Variants in PBX4 observed in about 807,000 individuals in gnomAD.
The protein encoded by PBX4 is pre-B-cell leukemia transcription factor 4.
PBX4 carries 26 observed loss-of-function variants against 35.1 expected under a neutral mutation model. The observed-to-expected ratio is 0.74, with a 90% CI of 0.54 to 1.03. The LOEUF (loss-of-function observed/expected upper bound fraction) is 1.03, where lower values mean the gene tolerates loss of function less well. Among genes scored for constraint, PBX4 ranks in the 50% least tolerant of loss-of-function variants. PBX4 has a pLI of 0.00. For synonymous variants in PBX4, 199 were observed against 204.2 expected (o/e 0.97, Z 0.22); for missense variants, 448 against 504.3 (o/e 0.89, Z 1.07).
intron 6 of PBX4, chr19:19,564,631 C>G: frequency 3.2e-6 from 1 of 314,420 alleles, no homozygotes; most frequent in Non-Finnish European, 6.0e-6. Flanking sequence ...AAACTCCTGA[C>G]CTCAGGTGAT....
At chr19:19,595,985 C>A (rs1190671458) in intron 2 of PBX4, among the ~76,000 whole-genome samples, 2 of 152,132 alleles carry the variant, frequency 1.3e-5, no homozygotes, top group Non-Finnish European at 2.9e-5. Flanking sequence ...GTAATCCCAG[C>A]ACTTTGGGAG....
At chr19:19,605,840 AT>A (rs71338333) in intron 1 of PBX4, among the ~76,000 whole-genome samples, 47,605 of 123,030 alleles carry the variant, frequency 0.39, 8,616 homozygotes, top group African/African-American at 0.5. Flanking sequence ...AGGCTCTAGG[AT>A]TTTTTTTTTT....
At chr19:19,584,629 T>G (rs1368315992) in intron 2 of PBX4, among the ~76,000 whole-genome samples, 1 of 149,936 alleles carries the variant, frequency 6.7e-6, no homozygotes, top group Non-Finnish European at 1.5e-5. Context: ...GCTGGTTTTT[T>G]TTTTTTTTTT....
chr19:19,597,754 T>A (rs1457916382), intron 2 of PBX4, among the ~76,000 whole-genome samples: 2 of 152,202 alleles, frequency 1.3e-5, no homozygotes, highest in African/African-American at 4.8e-5. Context: ...TTGGTTTAAA[T>A]ATCTTCATCT....
intron 2 of PBX4, among the ~76,000 whole-genome samples, chr19:19,583,938 A>G (rs1286059748): frequency 3.3e-5 from 5 of 152,086 alleles, no homozygotes; most frequent in South Asian, 2.1e-4. Flanking sequence ...GCATGGTGGC[A>G]CATGCCTGTA....
chr19:19,586,373 ACTGTACTCCAGC>A (rs1474469200), intron 2 of PBX4, among the ~76,000 whole-genome samples: 1 of 152,132 alleles, frequency 6.6e-6, no homozygotes, highest in African/African-American at 2.4e-5. Context: ...TGATCATGCC[ACTGTACTCCAGC>A]CTGTCTCTTT....
At chr19:19,598,623 T>G (rs2061575311) in intron 2 of PBX4, among the ~76,000 whole-genome samples, 1 of 152,174 alleles carries the variant, frequency 6.6e-6, no homozygotes, top group South Asian at 2.1e-4. Context: ...TCAATTTCCC[T>G]AAGTCTGTCA....
intron 1 of PBX4, among the ~76,000 whole-genome samples, chr19:19,607,227 T>C (rs1246016699): frequency 6.6e-6 from 1 of 152,090 alleles, no homozygotes; most frequent in Non-Finnish European, 1.5e-5. Context: ...CTAATTTTTA[T>C]ATTTTTAGTA....
chr19:19,562,827 C>T lies in PBX4; in HGVS notation c.1032+682G>A, dbSNP rs186366569. On this transcript the variant is annotated intron_variant, in intron 7 of 7. Transcript: ENST00000251203. The surrounding 1 kb of genome is among the most constrained non-coding windows in gnomAD (Gnocchi z 4.8). ...GCAAAGGGCAAGGTGAGGCCCCTCACGTGTGTCCCTGGCTGGGGGCTGCAT... is the reference window on the plus strand; with the variant it reads ...GCAAAGGGCAAGGTGAGGCCCCTCATGTGTGTCCCTGGCTGGGGGCTGCAT... Among the ~76,000 whole-genome samples, 3 of 152,262 alleles carry T rather than the reference C, an allele frequency of 2.0e-5. No homozygotes were observed. Among genetic ancestry groups the T allele is most frequent in the East Asian group, 1.9e-4 (1 of 5,174 alleles).
intron 1 of PBX4, among the ~76,000 whole-genome samples, chr19:19,602,957 A>T (rs1428559983): frequency 6.6e-6 from 1 of 152,210 alleles, no homozygotes; most frequent in South Asian, 2.1e-4. Flanking sequence ...CCAGGTACTG[A>T]CCAACTAGAG....
intron 2 of PBX4, among the ~76,000 whole-genome samples, chr19:19,597,420 G>T (rs2061567792): frequency 6.6e-6 from 1 of 152,156 alleles, no homozygotes; most frequent in African/African-American, 2.4e-5. Flanking sequence ...CATGAGCTAA[G>T]TATTATTATT....
intron 1 of PBX4, among the ~76,000 whole-genome samples, chr19:19,611,793 T>C (rs746328985): frequency 1.2e-4 from 18 of 152,074 alleles, no homozygotes; most frequent in Non-Finnish European, 2.1e-4. Flanking sequence ...TTTTTGGTTT[T>C]AGGTATGCCA....
intron 2 of PBX4, chr19:19,588,364 G>A (rs2061504039): frequency 7.5e-7 from 1 of 1,332,832 alleles, no homozygotes. Flanking sequence ...TCATCTGATG[G>A]CAACACCAGC....
At chr19:19,575,476 C>A (rs1346740149) in intron 2 of PBX4, among the ~76,000 whole-genome samples, 1 of 152,142 alleles carries the variant, frequency 6.6e-6, no homozygotes, top group Non-Finnish European at 1.5e-5. Context: ...TCCTCCTAAT[C>A]TCTCCTGGCT....
intron 2 of PBX4, among the ~76,000 whole-genome samples, chr19:19,571,975 G>C (rs12975544): frequency 7.2e-6 from 1 of 139,352 alleles, no homozygotes; most frequent in Non-Finnish European, 1.5e-5. Flanking sequence ...AGAGGATGCA[G>C]TGAGCTGAGA....
In PBX4 at chr19:19,563,453, C is replaced by A; in HGVS notation, c.1032+56G>T. On this transcript the variant is annotated intron_variant, in intron 7 of 7. Transcript: ENST00000251203. This position sits in a 1 kb window ranked among gnomAD's most constrained non-coding sequence, Gnocchi z 5.1. ...GCCGAGGGGTGGCTGACAAGACGAC[C>A]CTTTCTGAGAACCTACCACCCACCT... is the stretch of plus-strand genomic sequence containing the variant. 5 of 1,387,002 alleles carry A rather than the reference C, an allele frequency of 3.6e-6. No individual in the cohort carries two copies. Among genetic ancestry groups the A allele is most frequent in the African/African-American group, 1.4e-5 (1 of 68,978 alleles). The allele number at this position is 1,387,002 out of a possible 1,614,324, so 85.9% of individuals were successfully genotyped here. A position where few individuals can be genotyped will look rare whatever the true frequency, so the allele number is the denominator to read the frequency against.
chr19:19,613,148 G>T (rs1321098456), intron 1 of PBX4, among the ~76,000 whole-genome samples: 1 of 149,994 alleles, frequency 6.7e-6, no homozygotes, highest in Admixed American at 6.7e-5. Flanking sequence ...AAAACAAAAA[G>T]AGCTATCTTT....
intron 2 of PBX4, among the ~76,000 whole-genome samples, chr19:19,573,855 G>T (rs575018077): frequency 6.6e-6 from 1 of 152,126 alleles, no homozygotes; most frequent in East Asian, 1.9e-4. Context: ...TCAGTCTCCT[G>T]AGTAGCTGGG....
intron 1 of PBX4, among the ~76,000 whole-genome samples, chr19:19,607,343 T>G (rs1237996566): frequency 6.6e-6 from 1 of 152,122 alleles, no homozygotes; most frequent in Non-Finnish European, 1.5e-5. Context: ...CGTCAGCCAC[T>G]GCGCCTGGCC....
Sources: allele counts gnomAD v4.1 joint callset (sites outside exome capture counted in the v4.1 genomes callset), GRCh38; gene constraint gnomAD v4.1.1; non-coding constraint Gnocchi (gnomAD v3.1); transcripts MANE v1.5; gene names NCBI Gene and HGNC (gene_info 2026-07-23, HGNC 2026-07-21).